The following ATP2C1 variants were observed in gnomAD, a reference collection of about 807,000 sequenced individuals.
ATP2C1 encodes the protein ATPase secretory pathway Ca2+ transporting 1, also known as calcium-transporting ATPase type 2C member 1.
A neutral mutation model predicts 120.5 loss-of-function variants in ATP2C1; 31 were observed. The observed-to-expected ratio is 0.26, with a 90% confidence interval of 0.19 to 0.35. The LOEUF is 0.35. Ranked by LOEUF, ATP2C1 falls within the 10% of genes least tolerant of loss-of-function variation. The pLI, the probability that ATP2C1 is intolerant of heterozygous loss-of-function variation, is 1.00. For missense variants in ATP2C1, 731 were observed against 1,107.5 expected, an observed-to-expected ratio of 0.66 and a Z score of 4.83; for synonymous variants, 351 against 358.7, an observed-to-expected ratio of 0.98 and a Z score of 0.24.
At chr3:131,015,133 G>A in intron 26 of ATP2C1, 1 of 668,346 alleles carries the variant, frequency 1.5e-6, no homozygotes, top group South Asian at 1.6e-5. Context: ...TCAGATATAA[G>A]GCCCAGAGAT....
chr3:130,945,117 G>T (rs1213087001), intron 8 of ATP2C1, among the ~76,000 whole-genome samples: 1 of 152,100 alleles, frequency 6.6e-6, no homozygotes, highest in African/African-American at 2.4e-5. Context: ...GGCCTTTCCA[G>T]CAGGAGCCTG....
At chr3:130,961,072 T>A (rs1293152221) in intron 12 of ATP2C1, among the ~76,000 whole-genome samples, 1 of 152,042 alleles carries the variant, frequency 6.6e-6, no homozygotes, top group Admixed American at 6.6e-5. Flanking sequence ...AGTGAAAGAA[T>A]GTGTTTTTTT....
intron 2 of ATP2C1, among the ~76,000 whole-genome samples, chr3:130,904,622 C>G (rs1033325969): frequency 6.6e-6 from 1 of 151,906 alleles, no homozygotes; most frequent in African/African-American, 2.4e-5. Flanking sequence ...ATACCTTCCT[C>G]TAGTGGGGAG....
intron 16 of ATP2C1, among the ~76,000 whole-genome samples, chr3:130,968,884 A>G (rs1307023923): frequency 6.6e-6 from 1 of 152,198 alleles, no homozygotes; most frequent in Non-Finnish European, 1.5e-5. Flanking sequence ...CTAGGATGAT[A>G]ACAGGTGAGC....
intron 2 of ATP2C1, among the ~76,000 whole-genome samples, chr3:130,924,245 T>C (rs1433842432): frequency 6.6e-6 from 1 of 152,128 alleles, no homozygotes; most frequent in Non-Finnish European, 1.5e-5. Flanking sequence ...GTTTCAAGAT[T>C]TAGAACTTGT....
At chr3:130,861,892 T>C (rs1022345415) in intron 1 of ATP2C1, among the ~76,000 whole-genome samples, 2 of 152,322 alleles carry the variant, frequency 1.3e-5, no homozygotes, top group East Asian at 3.9e-4. Flanking sequence ...ACCCTAAATG[T>C]TTTGTTCCTA....
chr3:130,854,447 C>G (rs1209790214), intron 1 of ATP2C1, among the ~76,000 whole-genome samples: 4 of 152,150 alleles, frequency 2.6e-5, no homozygotes, highest in Non-Finnish European at 5.9e-5. Flanking sequence ...GGTCTGAGGG[C>G]AACATCCAGC....
chr3:130,970,353 T>A (rs2108683899), intron 17 of ATP2C1, among the ~76,000 whole-genome samples: 1 of 128,040 alleles, frequency 7.8e-6, no homozygotes, highest in Non-Finnish European at 1.6e-5. Context: ...GGCAACAGCC[T>A]GTCTAAAAAA....
intron 20 of ATP2C1, among the ~76,000 whole-genome samples, chr3:130,992,613 G>A (rs143244792): frequency 2.0e-5 from 3 of 152,256 alleles, no homozygotes; most frequent in South Asian, 2.1e-4. Flanking sequence ...AGTTGTATGC[G>A]AGTGTCATAG....
chr3:130,867,511 C>G (rs2068224646), intron 1 of ATP2C1, among the ~76,000 whole-genome samples: 1 of 148,898 alleles, frequency 6.7e-6, no homozygotes, highest in South Asian at 2.2e-4. Context: ...GGGCTGGTCT[C>G]CAGCTCCTAA....
Position 131,003,027 on chromosome 3 carries a change from G to A in ATP2C1, c.*1677G>A, listed in dbSNP as rs1026816217. 19 of 985,504 alleles carry A rather than the reference G, an allele frequency of 1.9e-5. No homozygotes were observed. The South Asian group carries it at 2.3e-4, about 12-fold the overall frequency. The allele number at this position is 985,504 out of a possible 1,614,324, so 61.0% of individuals were successfully genotyped here. A position where few individuals can be genotyped will look rare whatever the true frequency, so the allele number is the denominator to read the frequency against. On this transcript the variant is annotated 3_prime_UTR_variant, in exon 28 of 28. Coordinates refer to ENST00000510168, the MANE Select transcript of ATP2C1 (RefSeq NM_001378687.1). ...TCTCTGTTACAAAGACTTGAAATACGTATTAAATGCACGTTAATGTTTTGC... is the reference window on the plus strand; with the variant it reads ...TCTCTGTTACAAAGACTTGAAATACATATTAAATGCACGTTAATGTTTTGC...
At chr3:130,950,025 T>C (rs1488318747) in intron 8 of ATP2C1, among the ~76,000 whole-genome samples, 1 of 152,166 alleles carries the variant, frequency 6.6e-6, no homozygotes, top group Non-Finnish European at 1.5e-5. Context: ...TAAGAACTTA[T>C]TTGTAGCTGC....
intron 9 of ATP2C1, 84 bp from the exon 10 acceptor site, chr3:130,954,928 T>C: frequency 1.1e-6 from 1 of 946,658 alleles, no homozygotes; most frequent in East Asian, 2.5e-5. Context: ...GGTAAGACTT[T>C]GAAAGTTGTT....
chr3:130,852,182 T>A (rs899187306), intron 1 of ATP2C1, among the ~76,000 whole-genome samples: 2 of 152,168 alleles, frequency 1.3e-5, no homozygotes, highest in African/African-American at 2.4e-5. Flanking sequence ...GCACTTGCTT[T>A]TGATGTAGAA....
At chr3:130,867,049 A>G (rs2068201520) in intron 1 of ATP2C1, among the ~76,000 whole-genome samples, 2 of 152,102 alleles carry the variant, frequency 1.3e-5, no homozygotes, top group African/African-American at 4.8e-5. Flanking sequence ...TGATGTTACT[A>G]TTGTAATTGT....
At chr3:130,869,898 G>A (rs1187693565) in intron 1 of ATP2C1, among the ~76,000 whole-genome samples, 2 of 152,216 alleles carry the variant, frequency 1.3e-5, no homozygotes, top group African/African-American at 2.4e-5. Flanking sequence ...AGAAGACCTA[G>A]CTAAGATCAT....
chr3:130,948,924 A>G (rs1365260000), intron 8 of ATP2C1, among the ~76,000 whole-genome samples: 5 of 152,136 alleles, frequency 3.3e-5, no homozygotes, highest in Non-Finnish European at 7.4e-5. Context: ...AACGATGTTC[A>G]TGTAAGACTA....
chr3:130,941,551 T>A, intron 7 of ATP2C1, 40 bp from the exon 8 acceptor site: 6 of 1,548,376 alleles, frequency 3.9e-6, no homozygotes, highest in Non-Finnish European at 5.4e-6. Context: ...TGCATGAATT[T>A]TTTTTTTTTA....
In ATP2C1 at chr3:130,930,408, C is replaced by T. The variant is rs375786224; in HGVS notation, c.7-8C>T. ...TTCAAATATTTTTTCTTTGGTTTTA[C>T]TTCCTAGGTTGCACGTTTTCAAAAA... On this transcript the variant is annotated splice_polypyrimidine_tract_variant and splice_region_variant and intron_variant, in intron 2 of 27. Coordinates refer to ENST00000510168, the MANE Select transcript of ATP2C1 (RefSeq NM_001378687.1). The T allele has an allele frequency of 2.2e-5, 35 of 1,560,936 alleles. No homozygotes were observed. Among genetic ancestry groups the T allele is most frequent in the Non-Finnish European group, 2.9e-5 (33 of 1,132,102 alleles).
Sources: allele counts gnomAD v4.1 joint callset (sites outside exome capture counted in the v4.1 genomes callset), GRCh38; gene constraint gnomAD v4.1.1; transcripts MANE v1.5; gene names NCBI Gene and HGNC (gene_info 2026-07-23, HGNC 2026-07-21).